The following ZNF850 variants were observed in gnomAD, a reference collection of about 807,000 sequenced individuals.
The protein encoded by ZNF850 is putative zinc finger protein ENSP00000330994.
In ZNF850, 2 loss-of-function variants were observed where a neutral mutation model predicts 11.9. The ratio of observed to expected loss-of-function variants is 0.17; its 90% CI spans 0.07 to 0.53. The LOEUF (loss-of-function observed/expected upper bound fraction) is 0.53, where lower values mean the gene tolerates loss of function less well. ZNF850 is among the 20% of genes least tolerant of loss of function. The pLI is 0.94. For synonymous variants in ZNF850, 381 were observed against 443.0 expected, an observed-to-expected ratio of 0.86 and a Z score of 1.76; for missense variants, 1,014 against 1,316.4, an observed-to-expected ratio of 0.77 and a Z score of 3.55.
intron 4 of ZNF850, among the ~76,000 whole-genome samples, chr19:36,757,731 A>G (rs942003507): frequency 5.9e-5 from 9 of 151,878 alleles, no homozygotes; most frequent in African/African-American, 1.7e-4. Flanking sequence ...TAGGCTGGTC[A>G]CCATGTTGAC....
rs139438412 is a variant in ZNF850, at chr19:36,753,142, G to A, written c.236-2338C>T. On this transcript the variant is annotated intron_variant, in intron 4 of 4. Coordinates refer to ENST00000591344, the MANE Select transcript of ZNF850 (RefSeq NM_001193552.2). Reference sequence around the variant, plus strand: ...AAATAAGCCAGGCATGGTGGTGCACGCCTGAATTCTCAGCTACTCAGGGGG... The same window carrying A: ...AAATAAGCCAGGCATGGTGGTGCACACCTGAATTCTCAGCTACTCAGGGGG... Among the ~76,000 whole-genome samples the A allele has an allele frequency of 3.0e-4, 46 of 151,876 alleles. No homozygotes were observed. The East Asian group carries it at 5.6e-3, about 19-fold the overall frequency.
intron 1 of ZNF850, among the ~76,000 whole-genome samples, chr19:36,763,578 T>G (rs1412085354): frequency 1.3e-5 from 2 of 152,002 alleles, no homozygotes; most frequent in Non-Finnish European, 2.9e-5. Context: ...AAAAAACCTC[T>G]AATGCACTTC....
At position 36,762,176 on chromosome 19, in the gene ZNF850, C is replaced by T. The variant is rs937495980; in HGVS notation, c.139+129G>A. On this transcript the variant is annotated intron_variant, in intron 3 of 4. Transcript: ENST00000591344. ...TGAAGCATGGAGAAGATGGAGTGACCCCAAAGAGCTGCCCATCTATTAATC... is the reference window on the plus strand; with the variant it reads ...TGAAGCATGGAGAAGATGGAGTGACTCCAAAGAGCTGCCCATCTATTAATC... 31 of 728,842 alleles carry T rather than the reference C, an allele frequency of 4.3e-5. No homozygotes were observed. In the African/African-American group the frequency reaches 5.0e-4, roughly 12 times the overall value. The allele number at this position is 728,842 out of a possible 1,614,324, so 45.1% of individuals were successfully genotyped here.
intron 4 of ZNF850, among the ~76,000 whole-genome samples, chr19:36,751,472 G>A (rs1447076706): frequency 3.3e-5 from 5 of 152,094 alleles, no homozygotes; most frequent in East Asian, 3.9e-4. Flanking sequence ...AGGCTGAAGC[G>A]GGCGGACCAC....
At chr19:36,758,405 G>C (rs914445888) in intron 4 of ZNF850, among the ~76,000 whole-genome samples, 1 of 152,120 alleles carries the variant, frequency 6.6e-6, no homozygotes, top group Non-Finnish European at 1.5e-5. Context: ...TCTTGAGACA[G>C]AGTCTCACTC....
intron 3 of ZNF850, among the ~76,000 whole-genome samples, chr19:36,762,092 C>T (rs2040522478): frequency 6.6e-6 from 1 of 150,826 alleles, no homozygotes. Context: ...TCCTGCTGTT[C>T]CTGAATTCAA....
At chr19:36,768,593 GTCTTTAAATCTA>G (rs1423879646) in intron 1 of ZNF850, among the ~76,000 whole-genome samples, 1 of 152,118 alleles carries the variant, frequency 6.6e-6, no homozygotes, top group Non-Finnish European at 1.5e-5. Context: ...TGTAATCTCT[GTCTTTAAATCTA>G]TCTAGGGTTC....
rs2040400341 is a variant in ZNF850, at chr19:36,744,559, G to C, written c.*3208C>G. 1 of 152,158 alleles carries C rather than the reference G, an allele frequency of 6.6e-6. No individual in the cohort carries two copies. Among genetic ancestry groups the C allele is most frequent in the Admixed American group, 6.6e-5 (1 of 15,240 alleles). The allele number at this position is 152,158 out of a possible 1,614,324, so 9.4% of individuals were successfully genotyped here. A position where few individuals can be genotyped will look rare whatever the true frequency, so the allele number is the denominator to read the frequency against. On this transcript the variant is annotated 3_prime_UTR_variant, in exon 5 of 5. Transcript: ENST00000591344. The stretch of plus-strand genomic sequence containing the variant: ...GGGGATCGATTGAGCCCGGGAAGTT[G>C]AGGCTGCAGTGAGCCAAGATTGTGG...
In ZNF850 at chr19:36,744,463, C is replaced by T. The variant is rs1045169437; in HGVS notation, c.*3304G>A. The T allele has an allele frequency of 3.3e-5, 5 of 151,948 alleles. No individual in the cohort carries two copies. Among genetic ancestry groups the T allele is most frequent in the South Asian group, 2.1e-4 (1 of 4,820 alleles). The allele number at this position is 151,948 out of a possible 1,614,324, so 9.4% of individuals were successfully genotyped here. Reference sequence around the variant, plus strand: ...ACAACATGGTGAAACCCTGTCTCTACAAAAGATACAAAAATTAGCTAGGTG... The same window carrying T: ...ACAACATGGTGAAACCCTGTCTCTATAAAAGATACAAAAATTAGCTAGGTG... On this transcript the variant is annotated 3_prime_UTR_variant, in exon 5 of 5. Transcript: ENST00000591344.
Position 36,750,133 on chromosome 19 carries a change from G to A in ZNF850, c.907C>T (p.His303Tyr). The A allele has an allele frequency of 6.5e-7, 1 of 1,538,640 alleles. No individual in the cohort carries two copies. The highest frequency in any genetic ancestry group is 1.2e-5 in the South Asian group (1 of 84,064). Reference sequence around the variant, plus strand: ...CAATGATAGGGTTTCTCACCAGTGTGAATTTGCTGATGTTGATTTAGTGTT... The same window carrying A: ...CAATGATAGGGTTTCTCACCAGTGTAAATTTGCTGATGTTGATTTAGTGTT... The part of the protein sequence containing the change: ...GSTLNQHQQI[H>Y]TGEKPYHCKQ... The change falls in exon 5 of 5, where the codon CAC becomes TAC. Residue 303 changes from histidine (H) to tyrosine (Y), a missense_variant. This residue lies in a region of ZNF850 where 835 missense variants were observed against 1,022.0 expected (regional missense o/e 0.82). Coordinates refer to ENST00000591344, the MANE Select transcript of ZNF850 (RefSeq NM_001193552.2).
intron 1 of ZNF850, among the ~76,000 whole-genome samples, chr19:36,764,762 T>C (rs1193720820): frequency 2.7e-5 from 4 of 149,476 alleles, no homozygotes; most frequent in Non-Finnish European, 5.9e-5. Context: ...AGTCTCGCTC[T>C]GTCGCCCAGG....
rs2040414284 is a variant in ZNF850, at chr19:36,746,864, T to G, written c.*903A>C. On this transcript the variant is annotated 3_prime_UTR_variant, in exon 5 of 5. Coordinates refer to ENST00000591344, the MANE Select transcript of ZNF850 (RefSeq NM_001193552.2). ...TCACACTTATTTATTATAAAAAAAC[T>G]ATTACTAGCCAGGCGTGGTGGCTCA... 2 of 151,818 alleles carry G rather than the reference T, an allele frequency of 1.3e-5. No individual in the cohort carries two copies. Among genetic ancestry groups the G allele is most frequent in the African/African-American group, 2.4e-5 (1 of 41,344 alleles). The allele number at this position is 151,818 out of a possible 1,614,324, so 9.4% of individuals were successfully genotyped here. A position where few individuals can be genotyped will look rare whatever the true frequency, so the allele number is the denominator to read the frequency against.
chr19:36,769,473 C>T (rs1600618594), intron 1 of ZNF850, among the ~76,000 whole-genome samples: 1 of 151,430 alleles, frequency 6.6e-6, no homozygotes, highest in African/African-American at 2.4e-5. Context: ...CTGGTGTGTG[C>T]CTCTGGTTTC....
rs567943938 is a variant in ZNF850, at chr19:36,749,393, A to G, written c.1647T>C (p.Ile549=). 3 of 1,549,246 alleles carry G rather than the reference A, an allele frequency of 1.9e-6. No homozygotes were observed. The highest frequency in any genetic ancestry group is 2.4e-5 in the South Asian group (2 of 84,818). The change falls in exon 5 of 5, where the codon ATT becomes ATC. Residue 549 remains isoleucine (I), a synonymous_variant. Transcript: ENST00000591344. The stretch of plus-strand genomic sequence containing the variant: ...CACCAGTGTGAACTGCCTGATGTCC[A>G]ATTAGCCCTGAGCGAAAAGTAAAAG... The part of the protein sequence containing the change: ...GKSFTFRSGL[I]GHQAVHTGEK...
At chr19:36,769,261 CAAA>C (rs74174432) in intron 1 of ZNF850, among the ~76,000 whole-genome samples, 20 of 51,556 alleles carry the variant, frequency 3.9e-4, no homozygotes, top group Middle Eastern at 0.012. Flanking sequence ...AAGACTGTCT[CAAA>C]AAAAAAAAAA....
At position 36,747,760 on chromosome 19, in the gene ZNF850, A is replaced by T; in HGVS notation, c.*7T>A. 6.7e-7 allele frequency: 1 copy of T among 1,489,904 alleles called. No homozygotes were observed. The highest frequency in any genetic ancestry group is 8.9e-7 in the Non-Finnish European group (1 of 1,123,528). The allele number at this position is 1,489,904 out of a possible 1,614,324, so 92.3% of individuals were successfully genotyped here. ...ACAAATGGCATGAGAACAGTTTCCT[A>T]CATTAATTATGTTAGGTCATGAATT... On this transcript the variant is annotated 3_prime_UTR_variant, in exon 5 of 5. Coordinates refer to ENST00000591344, the MANE Select transcript of ZNF850 (RefSeq NM_001193552.2).
intron 4 of ZNF850, among the ~76,000 whole-genome samples, 196 bp downstream of exon 4, chr19:36,761,447 T>A (rs2040517484): frequency 6.6e-6 from 1 of 151,484 alleles, no homozygotes; most frequent in South Asian, 2.1e-4. Context: ...TCAAAATAAA[T>A]AAATAAATAA....
In ZNF850 at chr19:36,749,052, T is replaced by C; in HGVS notation, c.1988A>G (p.His663Arg). ...TTTCTCACCAGTGTGAATTCTGTGA[T>C]GTTGGGTGAGTCCTGAGACACTGAC... Reference protein sequence around the residue: ...AFVSVSGLTQHHRIHTGEKPY... With the variant: ...AFVSVSGLTQRHRIHTGEKPY... Residue 663 changes from histidine to arginine, a missense_variant, in exon 5 of 5, where the codon CAT becomes CGT. Coordinates refer to ENST00000591344, the MANE Select transcript of ZNF850 (RefSeq NM_001193552.2). 2 of 1,607,820 alleles carry C rather than the reference T, an allele frequency of 1.2e-6. No individual in the cohort carries two copies. The highest frequency in any genetic ancestry group is 4.5e-5 in the East Asian group (2 of 44,714).
Position 36,745,286 on chromosome 19 carries a change from A to G in ZNF850, c.*2481T>C, listed in dbSNP as rs550038263. 1 of 152,316 alleles carries G rather than the reference A, an allele frequency of 6.6e-6. No individual in the cohort carries two copies. Among genetic ancestry groups the G allele is most frequent in the African/African-American group, 2.4e-5 (1 of 41,570 alleles). The allele number at this position is 152,316 out of a possible 1,614,324, so 9.4% of individuals were successfully genotyped here. A position where few individuals can be genotyped will look rare whatever the true frequency, so the allele number is the denominator to read the frequency against. On this transcript the variant is annotated 3_prime_UTR_variant, in exon 5 of 5. Coordinates refer to ENST00000591344, the MANE Select transcript of ZNF850 (RefSeq NM_001193552.2). Reference sequence around the variant, plus strand: ...GTTAAATTTTTTAAACGCAAGTGTAATTTAAATAGAATGAAATACAACAAT... The same window carrying G: ...GTTAAATTTTTTAAACGCAAGTGTAGTTTAAATAGAATGAAATACAACAAT...
Sources: gnomAD v4.1 joint callset for allele counts (sites outside exome capture counted in the v4.1 genomes callset) on GRCh38, gnomAD v4.1.1 for gene constraint, gnomAD v4.1.1 regional missense constraint, MANE v1.5 for transcripts, NCBI Gene and HGNC (gene_info 2026-07-23, HGNC 2026-07-21) for gene names.